Variants in TPR observed in about 807,000 individuals in gnomAD.
The protein encoded by TPR is translocated promoter region, nuclear basket protein.
Under a neutral mutation model 316.1 loss-of-function variants are expected in TPR, and 51 were observed. The observed-to-expected ratio is 0.16, with a 90% CI of 0.13 to 0.20. The LOEUF (loss-of-function observed/expected upper bound fraction) is 0.20, where lower values mean the gene tolerates loss of function less well. TPR is among the 10% of genes least tolerant of loss of function. TPR has a pLI of 1.00. For missense variants in TPR, 2,272 were observed against 2,754.8 expected (o/e 0.82, Z 3.92); for synonymous variants, 981 against 914.7 (o/e 1.07, Z -1.31).
chr1:186,353,135 G>T (rs537363719), intron 18 of TPR, among the ~76,000 whole-genome samples: 3 of 152,298 alleles, frequency 2.0e-5, no homozygotes, highest in Admixed American at 6.5e-5. Flanking sequence ...CACTTTGGGA[G>T]GCTAAGGCGG....
chr1:186,360,783 AAAG>A lies in TPR; in HGVS notation c.1078_1080del (p.Leu360del), dbSNP rs2101984156. The A allele has an allele frequency of 6.2e-7, 1 of 1,612,956 alleles. No individual in the cohort carries two copies. Among genetic ancestry groups the A allele is most frequent in the Non-Finnish European group, 8.5e-7 (1 of 1,179,232 alleles). ...GCCATACCTTTACGTTTTGTGGCAG[AAAG>A]AAGGTCATTTGCATTCTCTAATTCC... is the stretch of plus-strand genomic sequence containing the variant. On this transcript the variant is annotated inframe_deletion, in exon 10 of 51. Coordinates refer to ENST00000367478, the MANE Select transcript of TPR (RefSeq NM_003292.3).
At chr1:186,372,809 A>C (rs576073984) in intron 2 of TPR, among the ~76,000 whole-genome samples, 2 of 152,316 alleles carry the variant, frequency 1.3e-5, no homozygotes, top group East Asian at 3.9e-4. Flanking sequence ...AAGAAAAGTA[A>C]GAAAGAGATT....
intron 12 of TPR, 115 bp from the exon 13 acceptor site, chr1:186,358,765 T>G: frequency 1.3e-6 from 1 of 769,838 alleles, no homozygotes; most frequent in Non-Finnish European, 2.1e-6. Context: ...CTAAATAAAA[T>G]CCTACATAAT....
At chr1:186,350,535 G>C (rs537547077) in intron 20 of TPR, 147 bp from the exon 21 acceptor site, 1 of 568,738 alleles carries the variant, frequency 1.8e-6, no homozygotes, top group East Asian at 3.2e-5. Context: ...AAAAAAACCA[G>C]ACAAAACACA....
chr1:186,356,789 C>T (rs1182156329), intron 14 of TPR, among the ~76,000 whole-genome samples: 1 of 152,188 alleles, frequency 6.6e-6, no homozygotes, highest in African/African-American at 2.4e-5. Flanking sequence ...CTAATTCTTA[C>T]ATAGGTTCTC....
chr1:186,313,674 C>CA lies in TPR; in HGVS notation c.*296dup. 2 of 1,553,838 alleles carry CA rather than the reference C, an allele frequency of 1.3e-6. No individual in the cohort carries two copies. The highest frequency in any genetic ancestry group is 1.8e-6 in the Non-Finnish European group (2 of 1,125,900). ...TTAACTAAAAAAATGTTTTCTCTTCCATTTAGATCAATACTATAACATTGA... is the reference window on the plus strand; with the variant it reads ...TTAACTAAAAAAATGTTTTCTCTTCCAATTTAGATCAATACTATAACATTGA... On this transcript the variant is annotated 3_prime_UTR_variant, in exon 51 of 51. Transcript: ENST00000367478.
intron 3 of TPR, among the ~76,000 whole-genome samples, chr1:186,369,318 G>C (rs1659449707): frequency 6.6e-6 from 1 of 151,820 alleles, no homozygotes; most frequent in South Asian, 2.1e-4. Flanking sequence ...TGACAGGATT[G>C]GCCTGAATCT....
At chr1:186,358,500 G>A (rs370856455) in intron 13 of TPR, 43 bp downstream of exon 13, 1 of 1,470,932 alleles carries the variant, frequency 6.8e-7, no homozygotes, top group East Asian at 2.3e-5. Context: ...TTACTGGGCA[G>A]TCAGGTTTTT....
intron 40 of TPR, among the ~76,000 whole-genome samples, chr1:186,327,207 T>TA (rs1658001083): frequency 3.3e-5 from 1 of 30,210 alleles, no homozygotes; most frequent in Admixed American, 6.1e-4. Context: ...TATTTATATA[T>TA]ATAATATATA....
At position 186,353,669 on chromosome 1, in the gene TPR, C is replaced by A. The variant is rs746644313; in HGVS notation, c.2334+19G>T. The stretch of plus-strand genomic sequence containing the variant: ...AATGCAACTTATAATGCAAGTTGGA[C>A]AAGGGATATTGGACTCACTTCTGCG... On this transcript the variant is annotated intron_variant, in intron 18 of 50. Transcript: ENST00000367478. 19 of 1,603,102 alleles carry A rather than the reference C, an allele frequency of 1.2e-5. No homozygotes were observed. Among genetic ancestry groups the A allele is most frequent in the Non-Finnish European group, 1.5e-5 (18 of 1,176,032 alleles).
At chr1:186,338,708 G>A (rs1658411935) in intron 30 of TPR, among the ~76,000 whole-genome samples, 1 of 152,146 alleles carries the variant, frequency 6.6e-6, no homozygotes, top group Non-Finnish European at 1.5e-5. Context: ...CTTATAGGCT[G>A]TACAAAACCA....
intron 19 of TPR, 167 bp downstream of exon 19, chr1:186,351,809 T>C (rs933865356): frequency 1.3e-6 from 1 of 753,324 alleles, no homozygotes; most frequent in African/African-American, 1.8e-5. Context: ...TCTCTTTCAA[T>C]ATTTTATTTA....
chr1:186,316,622 A>C, intron 49 of TPR, among the ~76,000 whole-genome samples: 1 of 152,208 alleles, frequency 6.6e-6, no homozygotes, highest in East Asian at 1.9e-4. Flanking sequence ...TTTGAGATAG[A>C]TGAGCTAGTA....
At chr1:186,331,871 T>C (rs903106490) in intron 38 of TPR, among the ~76,000 whole-genome samples, 1 of 152,124 alleles carries the variant, frequency 6.6e-6, no homozygotes, top group African/African-American at 2.4e-5. Context: ...GAATATAATT[T>C]TGGCTAATCT....
intron 36 of TPR, 31 bp from the exon 37 acceptor site, chr1:186,333,425 CCTT>C: frequency 6.2e-7 from 1 of 1,600,908 alleles, no homozygotes; most frequent in Non-Finnish European, 8.5e-7. Context: ...TGAATATAAG[CCTT>C]CTACTTTTAT....
chr1:186,346,412 G>T lies in TPR; in HGVS notation c.2944-125C>A, dbSNP rs916052628. 2.7e-5 allele frequency: 27 copies of T among 1,012,074 alleles called. No homozygotes were observed. In the Admixed American group the frequency reaches 2.8e-4, roughly 11 times the overall value. 62.7% of individuals were successfully genotyped at this position (1,012,074 alleles called of 1,614,324 possible). On this transcript the variant is annotated intron_variant, in intron 22 of 50. Transcript: ENST00000367478. ...TAATGTTTGTTGTATATTAAAAAAA[G>T]AATCCATCAAAGGTGATTAGAAGAT...
intron 45 of TPR, among the ~76,000 whole-genome samples, chr1:186,321,466 T>C (rs2102052469): frequency 6.6e-6 from 1 of 152,318 alleles, no homozygotes; most frequent in Middle Eastern, 3.4e-3. Flanking sequence ...ACTAACTGGT[T>C]TGAAACTAAA....
At chr1:186,335,670 T>C in intron 33 of TPR, 127 bp from the exon 34 acceptor site, 1 of 604,960 alleles carries the variant, frequency 1.7e-6, no homozygotes, top group Non-Finnish European at 2.7e-6. Context: ...TTATGATACA[T>C]CATACATCTC....
intron 32 of TPR, 146 bp downstream of exon 32, chr1:186,336,867 A>T: frequency 7.5e-7 from 1 of 1,325,660 alleles, no homozygotes; most frequent in Non-Finnish European, 1.0e-6. Flanking sequence ...ATGATTGGGT[A>T]CTACTTACAT....
Sources: gnomAD v4.1 joint callset for allele counts (sites outside exome capture counted in the v4.1 genomes callset) on GRCh38, gnomAD v4.1.1 for gene constraint, MANE v1.5 for transcripts, NCBI Gene and HGNC (gene_info 2026-07-23, HGNC 2026-07-21) for gene names.